The following HAL variants were observed in gnomAD, a reference collection of about 807,000 sequenced individuals.
HAL encodes the protein histidase.
HAL carries 85 observed loss-of-function variants against 81.1 expected under a neutral mutation model. The observed-to-expected ratio is 1.05, with a 90% CI of 0.88 to 1.25. The LOEUF (loss-of-function observed/expected upper bound fraction) is 1.25. HAL is among the 50% of genes most tolerant of loss of function. The probability of loss-of-function intolerance (pLI) is 0.00; values close to 1 mark genes in which losing one functional copy is unlikely to be tolerated. For missense variants in HAL, 798 were observed against 836.6 expected (o/e 0.95, Z 0.57); for synonymous variants, 301 against 309.2 (o/e 0.97, Z 0.28).
At chr12:95,985,144 C>A (rs1012279965) in intron 14 of HAL, among the ~76,000 whole-genome samples, 3 of 152,118 alleles carry the variant, frequency 2.0e-5, no homozygotes, top group African/African-American at 7.2e-5. Flanking sequence ...TTACTATGCA[C>A]CTGAGTTTCA....
At chr12:95,977,867 G>GT (rs1205528470) in intron 18 of HAL, 77 bp downstream of exon 18, 6 of 1,472,742 alleles carry the variant, frequency 4.1e-6, no homozygotes, top group Non-Finnish European at 4.7e-6. Context: ...GATGTTGCTG[G>GT]TGGGAGATCC....
At position 95,993,464 on chromosome 12, in the gene HAL, G is replaced by A; in HGVS notation, c.576C>T (p.Arg192=). 6.2e-7 allele frequency: 1 copy of A among 1,604,450 alleles called. No individual in the cohort carries two copies. The highest frequency in any genetic ancestry group is 1.1e-5 in the South Asian group (1 of 90,900). The change falls in exon 8 of 21, where the codon CGC becomes CGT. Residue 192 remains arginine (R), a synonymous_variant. Coordinates refer to ENST00000261208, the MANE Select transcript of HAL (RefSeq NM_002108.4). ...KLQELQVNLV[R]SHSSGVGKPL... ...GTTTTGACTTACCTGAAGAATGTGA[G>A]CGTACTAAGTTGACCTGAAGCTCCC...
chr12:95,992,427 C>G (rs766557321), intron 9 of HAL, among the ~76,000 whole-genome samples: 2 of 152,182 alleles, frequency 1.3e-5, no homozygotes, highest in African/African-American at 2.4e-5. Flanking sequence ...GAGTCCTGTT[C>G]TAGTCTTGAA....
At chr12:95,994,750 T>C in intron 4 of HAL, 48 bp downstream of exon 4, 1 of 1,579,606 alleles carries the variant, frequency 6.3e-7, no homozygotes, top group Non-Finnish European at 8.7e-7. Context: ...CCCTCTTAAA[T>C]AAGGGGCCTT....
At chr12:95,984,317 G>T (rs1949850157) in intron 14 of HAL, among the ~76,000 whole-genome samples, 1 of 152,208 alleles carries the variant, frequency 6.6e-6, no homozygotes, top group Non-Finnish European at 1.5e-5. Context: ...ACTTGGGCAA[G>T]TTCCTTAGGT....
At chr12:95,995,143 T>C (rs1387808274) in intron 2 of HAL, 150 bp from the exon 3 acceptor site, 2 of 708,398 alleles carry the variant, frequency 2.8e-6, no homozygotes, top group Non-Finnish European at 5.1e-6. Flanking sequence ...GGTCTTAGCA[T>C]CTTTATGTAG....
chr12:95,977,642 C>CA (rs60410496), intron 18 of HAL, among the ~76,000 whole-genome samples: 22,639 of 99,314 alleles, frequency 0.23, 3,058 homozygotes, highest in East Asian at 0.44. Context: ...GATCCTGCCT[C>CA]AAAAAAAAAA....
intron 14 of HAL, 22 bp from the exon 15 acceptor site, chr12:95,984,013 G>A (rs1949846525): frequency 8.3e-7 from 1 of 1,206,982 alleles, no homozygotes; most frequent in Admixed American, 1.7e-5. Flanking sequence ...TCAAAATAAG[G>A]TATATGACCC....
rs1174892321 is a variant in HAL, at chr12:95,988,239, AC to A, written c.856del (p.Val286CysfsTer2). On this transcript the variant is annotated frameshift_variant and splice_region_variant, in exon 11 of 21. Transcript: ENST00000261208. LOFTEE classifies it high-confidence loss of function. Reference sequence around the variant, plus strand: ...TGGTTTCAATCCATGGGCTTCTAGCACCTATAGAATGATTAAAAATATGAAA... The same window carrying A: ...TGGTTTCAATCCATGGGCTTCTAGCACTATAGAATGATTAAAAATATGAAA... ...PKSGWADAKY[V>X]LEAHGLKPVI... The A allele has an allele frequency of 2.0e-6, 3 of 1,477,280 alleles. No individual in the cohort carries two copies. The highest frequency in any genetic ancestry group is 2.8e-6 in the Non-Finnish European group (3 of 1,055,740). The allele number at this position is 1,477,280 out of a possible 1,614,324, so 91.5% of individuals were successfully genotyped here. A position where few individuals can be genotyped will look rare whatever the true frequency, so the allele number is the denominator to read the frequency against.
chr12:95,990,254 G>C, intron 10 of HAL, 139 bp downstream of exon 10: 1 of 772,620 alleles, frequency 1.3e-6, no homozygotes, highest in South Asian at 1.4e-5. Context: ...CTAAGCTTTC[G>C]CTGTCTCATC....
intron 20 of HAL, among the ~76,000 whole-genome samples, chr12:95,975,521 T>A (rs12298212): frequency 8.1e-4 from 95 of 116,738 alleles, no homozygotes; most frequent in African/African-American, 1.8e-3. Flanking sequence ...TCTAAAAAAA[T>A]TTTTTTTTAA....
rs2080669369 is a variant in HAL, at chr12:95,972,889, AC to A, written c.*1342del. ...GCAGCCCACGGATGACAATGCACAA[AC>A]CTCATTTGTGTGTGTTCACATTTTG... On this transcript the variant is annotated 3_prime_UTR_variant, in exon 21 of 21. Transcript: ENST00000261208. The A allele has an allele frequency of 6.6e-6, 1 of 152,150 alleles. No individual in the cohort carries two copies. The highest frequency in any genetic ancestry group is 1.5e-5 in the Non-Finnish European group (1 of 68,032). 9.4% of individuals were successfully genotyped at this position (152,150 alleles called of 1,614,324 possible). A position where few individuals can be genotyped will look rare whatever the true frequency, so the allele number is the denominator to read the frequency against.
intron 15 of HAL, among the ~76,000 whole-genome samples, chr12:95,982,111 C>T (rs1433746375): frequency 2.0e-5 from 3 of 152,120 alleles, no homozygotes; most frequent in African/African-American, 7.2e-5. Context: ...TTTTTATTGT[C>T]CTCTAGTTGT....
chr12:95,974,028 G>C lies in HAL; in HGVS notation c.*204C>G. The C allele has an allele frequency of 1.6e-6, 1 of 623,278 alleles. No homozygotes were observed. Among genetic ancestry groups the C allele is most frequent in the Non-Finnish European group, 2.9e-6 (1 of 350,498 alleles). 38.6% of individuals were successfully genotyped at this position (623,278 alleles called of 1,614,324 possible). ...TTTTATAATCTGAAAATACCTGGTG[G>C]GTCTTGAACCACGACAACAGGAACA... On this transcript the variant is annotated 3_prime_UTR_variant, in exon 21 of 21. Transcript: ENST00000261208.
rs1234776732 is a variant in HAL at position 95,972,693 on chromosome 12, C to T, written c.*1539G>A. ...TGAGACTTAGTTTATTCCATGTTTC[C>T]CTTGAAGTTCCCTTGAAGGCGTGTG... On this transcript the variant is annotated 3_prime_UTR_variant, in exon 21 of 21. Coordinates refer to ENST00000261208, the MANE Select transcript of HAL (RefSeq NM_002108.4). 4 of 152,154 alleles carry T rather than the reference C, an allele frequency of 2.6e-5. No individual in the cohort carries two copies. The highest frequency in any genetic ancestry group is 2.6e-4 in the Admixed American group (4 of 15,280). 9.4% of individuals were successfully genotyped at this position (152,154 alleles called of 1,614,324 possible).
In HAL at chr12:95,980,696, A is replaced by G; in HGVS notation, c.1379T>C (p.Ile460Thr). Residue 460 changes from isoleucine (I) to threonine (T), a missense_variant, in exon 17 of 21, where the codon ATC becomes ACC. Coordinates refer to ENST00000261208, the MANE Select transcript of HAL (RefSeq NM_002108.4). ...CTCACTGATTGCAGCAAGTTCATGG[A>G]TGCCAATGGCCAAGTAGTCTAGGGC... is the stretch of plus-strand genomic sequence containing the variant. ...AKALDYLAIG[I>T]HELAAISERR... The G allele has an allele frequency of 6.2e-7, 1 of 1,614,088 alleles. No homozygotes were observed. The highest frequency in any genetic ancestry group is 1.3e-5 in the African/African-American group (1 of 75,056).
Position 95,983,949 on chromosome 12 carries a change from T to G in HAL, c.1249A>C (p.Ile417Leu). 6.3e-7 allele frequency: 1 copy of G among 1,589,916 alleles called. No individual in the cohort carries two copies. The highest frequency in any genetic ancestry group is 8.6e-7 in the Non-Finnish European group (1 of 1,158,788). Residue 417 changes from isoleucine (I) to leucine (L), a missense_variant, in exon 15 of 21, where the codon ATC becomes CTC. Coordinates refer to ENST00000261208, the MANE Select transcript of HAL (RefSeq NM_002108.4). ...GCGCTGTTCAGTTCTGTGGTAATGA[T>G]GTTCTTCACAAATGCTATTGTATCA... Reference protein sequence around the residue: ...VNDTIAFVKNIITTELNSATD... With the variant: ...VNDTIAFVKNLITTELNSATD...
In HAL at chr12:95,990,545, T is replaced by C; in HGVS notation, c.716-13A>G. 1.2e-6 allele frequency: 2 copies of C among 1,611,798 alleles called. No individual in the cohort carries two copies. The highest frequency in any genetic ancestry group is 1.1e-5 in the South Asian group (1 of 91,016). On this transcript the variant is annotated splice_polypyrimidine_tract_variant and intron_variant, in intron 9 of 20. Coordinates refer to ENST00000261208, the MANE Select transcript of HAL (RefSeq NM_002108.4). ...GGCAGGCAGGAGGCTGGGAGAGAAG[T>C]AGGCAGCAATTAGTTCAAGAGTACT...
chr12:95,975,340 C>T (rs376331032), intron 20 of HAL, among the ~76,000 whole-genome samples: 1 of 135,466 alleles, frequency 7.4e-6, no homozygotes, highest in Non-Finnish European at 1.5e-5. Flanking sequence ...CCACCAACCT[C>T]TTTTTTCTTT....
Sources: allele counts gnomAD v4.1 joint callset (sites outside exome capture counted in the v4.1 genomes callset), GRCh38; gene constraint gnomAD v4.1.1; transcripts MANE v1.5; gene names NCBI Gene and HGNC (gene_info 2026-07-23, HGNC 2026-07-21).